MBTPS2: variants seen among roughly 807,000 people sequenced by gnomAD.
The protein encoded by MBTPS2 is membrane bound transcription factor peptidase, site 2, also known as membrane-bound transcription factor site-2 protease.
A neutral mutation model predicts 35.4 loss-of-function variants in MBTPS2; 2 were observed. The ratio of observed to expected loss-of-function variants is 0.06; its 90% CI spans 0.02 to 0.18. The LOEUF (loss-of-function observed/expected upper bound fraction) is 0.18, where lower values mean the gene tolerates loss of function less well. MBTPS2 is among the 10% of genes least tolerant of loss of function. The pLI is 1.00. For missense variants in MBTPS2, 244 were observed against 386.5 expected (o/e 0.63, Z 3.09); for synonymous variants, 125 against 140.4 (o/e 0.89, Z 0.77).
chrX:21,854,548 C>T (rs758253574), intron 5 of MBTPS2, among the ~76,000 whole-genome samples: 9 of 111,357 alleles, frequency 8.1e-5, no homozygotes, highest in Non-Finnish European at 1.7e-4. Context: ...AGACCAAAAG[C>T]ATTATATTAG....
chrX:21,856,279 T>A, intron 5 of MBTPS2: 1 of 284,717 alleles, frequency 3.5e-6, no homozygotes, highest in Non-Finnish European at 5.7e-6. Context: ...TTCCTCAGTC[T>A]CGCGCCTTTC....
intron 7 of MBTPS2, chrX:21,870,159 T>C (rs45480999): frequency 0.17 from 17,978 of 103,776 alleles, 1,447 homozygotes; most frequent in East Asian, 0.23. Flanking sequence ...GAGAATCGCT[T>C]GAACCCGGGA....
At chrX:21,876,564 CAA>C (rs781386053) in intron 7 of MBTPS2, among the ~76,000 whole-genome samples, 12 of 79,065 alleles carry the variant, frequency 1.5e-4, no homozygotes, top group Admixed American at 2.9e-4. Context: ...GACTCTGTCT[CAA>C]AAAAAAAAAA....
chrX:21,884,333 T>C lies in MBTPS2; in HGVS notation c.*1678T>C. 1.4e-6 allele frequency: 1 copy of C among 698,355 alleles called. No individual in the cohort carries two copies. Among genetic ancestry groups the C allele is most frequent in the Non-Finnish European group, 1.7e-6 (1 of 588,053 alleles). 57.6% of individuals were successfully genotyped at this position (698,355 alleles called of 1,213,427 possible). A position where few individuals can be genotyped will look rare whatever the true frequency, so the allele number is the denominator to read the frequency against. ...TAATGCTCAGTCAGACCTGTTCAAGTAGTAGAGCTTGGAGAATGCCATGAA... is the reference window on the plus strand; with the variant it reads ...TAATGCTCAGTCAGACCTGTTCAAGCAGTAGAGCTTGGAGAATGCCATGAA... On this transcript the variant is annotated 3_prime_UTR_variant, in exon 11 of 11. Coordinates refer to ENST00000379484, the MANE Select transcript of MBTPS2 (RefSeq NM_015884.4).
chrX:21,873,155 T>C (rs1179676970), intron 7 of MBTPS2: 2 of 112,022 alleles, frequency 1.8e-5, no homozygotes, highest in Non-Finnish European at 3.8e-5. Flanking sequence ...ATCCTGTCTC[T>C]CTCAGATGCA....
intron 5 of MBTPS2, among the ~76,000 whole-genome samples, chrX:21,853,854 A>G (rs1422030256): frequency 9.0e-6 from 1 of 111,639 alleles, no homozygotes; most frequent in Non-Finnish European, 1.9e-5. Flanking sequence ...AGATAAATCA[A>G]AAGTATCCAG....
At chrX:21,853,185 C>T (rs2092916695) in intron 4 of MBTPS2, among the ~76,000 whole-genome samples, 191 bp from the exon 5 acceptor site, 1 of 110,505 alleles carries the variant, frequency 9.0e-6, no homozygotes, top group Admixed American at 9.7e-5. Context: ...TCACAGATAA[C>T]CAAATCTGTA....
chrX:21,882,992 T>A lies in MBTPS2; in HGVS notation c.*337T>A. ...GAAATAGTATAAAGGAGAACAGAAC[T>A]GGGTGGAATTAATTGGGAAAAACTT... On this transcript the variant is annotated 3_prime_UTR_variant, in exon 11 of 11. Transcript: ENST00000379484. 1 of 850,999 alleles carries A rather than the reference T, an allele frequency of 1.2e-6. No individual in the cohort carries two copies. The highest frequency in any genetic ancestry group is 1.4e-6 in the Non-Finnish European group (1 of 699,068). The allele number at this position is 850,999 out of a possible 1,213,427, so 70.1% of individuals were successfully genotyped here.
rs761895185 is a variant in MBTPS2, at chrX:21,878,638, C to A, written c.1207C>A (p.Pro403Thr). 3 of 1,205,840 alleles carry A rather than the reference C, an allele frequency of 2.5e-6. No individual in the cohort carries two copies. Among genetic ancestry groups the A allele is most frequent in the Non-Finnish European group, 3.4e-6 (3 of 891,927 alleles). ...CACTCGCTTAATAAAAGTAAAACACCCACCTCAGATTGATATGTTATACGT... is the reference window on the plus strand; with the variant it reads ...CACTCGCTTAATAAAAGTAAAACACACACCTCAGATTGATATGTTATACGT... ...THTRLIKVKH[P>T]PQIDMLYVGH... The change falls in exon 9 of 11, where the codon CCA becomes ACA. Residue 403 changes from proline (P) to threonine (T), a missense_variant. Transcript: ENST00000379484.
In MBTPS2 at chrX:21,845,085, C is replaced by T. The variant is rs112723060; in HGVS notation, c.225-86C>T. On this transcript the variant is annotated intron_variant, in intron 2 of 10. Transcript: ENST00000379484. Reference sequence around the variant, plus strand: ...AAATTTTTTAGCCATTATTTTAAAGCTATGAAATGTGGCTGCTTAGTGAAT... The same window carrying T: ...AAATTTTTTAGCCATTATTTTAAAGTTATGAAATGTGGCTGCTTAGTGAAT... 2.1e-4 allele frequency: 255 copies of T among 1,199,413 alleles called. No homozygotes were observed. The African/African-American group carries it at 3.0e-3, about 14-fold the overall frequency.
chrX:21,850,766 G>C (rs2092913907), intron 3 of MBTPS2, among the ~76,000 whole-genome samples: 1 of 111,729 alleles, frequency 9.0e-6, no homozygotes, highest in Non-Finnish European at 1.9e-5. Flanking sequence ...CATTTTAGGA[G>C]CACATGATTG....
At chrX:21,867,016 C>CA (rs760076000) in intron 5 of MBTPS2, among the ~76,000 whole-genome samples, 149 of 57,111 alleles carry the variant, frequency 2.6e-3, no homozygotes, top group Admixed American at 4.1e-3. Flanking sequence ...GACTCTGTCT[C>CA]AAAAAAAAAA....
intron 3 of MBTPS2, 48 bp from the exon 4 acceptor site, chrX:21,851,460 TC>T: frequency 1.3e-6 from 1 of 774,869 alleles, no homozygotes; most frequent in Non-Finnish European, 2.0e-6. Flanking sequence ...CAAGTGGGAC[TC>T]CCCTGCACCC....
chrX:21,857,657 GAATA>G, intron 5 of MBTPS2: 1 of 1,088,770 alleles, frequency 9.2e-7, no homozygotes, highest in Non-Finnish European at 1.2e-6. Context: ...CTGCGGTAGG[GAATA>G]AATATGCCTC....
chrX:21,881,390 G>A (rs752071178), intron 10 of MBTPS2, among the ~76,000 whole-genome samples: 17 of 111,634 alleles, frequency 1.5e-4, no homozygotes, highest in African/African-American at 5.2e-4. Context: ...GCACAAGAAA[G>A]ATCGAGCTGG....
intron 9 of MBTPS2, among the ~76,000 whole-genome samples, chrX:21,879,949 C>CTTTTTTTTTCTTTTTTTTTTTTTTT (rs2092957293): frequency 2.1e-5 from 1 of 47,425 alleles, no homozygotes; most frequent in African/African-American, 1.3e-4. Context: ...TTATGTTATT[C>CTTTTTTTTTCTTTTTTTTTTTTTTT]TTTTTTTTTT....
At chrX:21,861,994 A>G (rs1296078193) in intron 5 of MBTPS2, among the ~76,000 whole-genome samples, 2 of 112,149 alleles carry the variant, frequency 1.8e-5, no homozygotes, top group Admixed American at 1.9e-4. Flanking sequence ...TTCCAAATAT[A>G]AGTAGTTCAG....
At chrX:21,844,613 G>A (rs2092906568) in intron 2 of MBTPS2, among the ~76,000 whole-genome samples, 1 of 112,618 alleles carries the variant, frequency 8.9e-6, no homozygotes, top group African/African-American at 3.2e-5. Flanking sequence ...CTATAAATTT[G>A]ACAGTTTTAG....
intron 7 of MBTPS2, chrX:21,870,020 C>G (rs887072441): frequency 3.3e-5 from 6 of 182,069 alleles, no homozygotes; most frequent in African/African-American, 1.8e-4. Context: ...GCGGGCGGAT[C>G]ACTTGAGGTC....
Sources: allele counts gnomAD v4.1 joint callset (sites outside exome capture counted in the v4.1 genomes callset), GRCh38; gene constraint gnomAD v4.1.1; transcripts MANE v1.5; gene names NCBI Gene and HGNC (gene_info 2026-07-23, HGNC 2026-07-21).